Variants in WDR1 observed in about 807,000 individuals in gnomAD.
WDR1 encodes WD repeat-containing protein 1.
WDR1 carries 21 observed loss-of-function variants against 71.9 expected under a neutral mutation model. That is an observed-to-expected ratio of 0.29 (90% CI 0.21 to 0.42). The LOEUF is 0.42. Among genes scored for constraint, WDR1 ranks in the 10% least tolerant of loss-of-function variants. The pLI is 1.00. For missense variants in WDR1, 696 were observed against 824.5 expected (o/e 0.84, Z 1.91); for synonymous variants, 424 against 347.4 (o/e 1.22, Z -2.45).
Position 10,116,795 on chromosome 4 carries a change from G to A in WDR1, c.-129C>T. On this transcript the variant is annotated 5_prime_UTR_variant, in exon 1 of 15. Coordinates refer to ENST00000499869, the MANE Select transcript of WDR1 (RefSeq NM_017491.5). The stretch of plus-strand genomic sequence containing the variant: ...AGGCGGCACCGGGCGTGCCGGGAGT[G>A]GAGTGGGCGGTCCGAGGCCGGGGCT... The A allele has an allele frequency of 2.7e-6, 3 of 1,104,966 alleles. No individual in the cohort carries two copies. The highest frequency in any genetic ancestry group is 3.7e-5 in the South Asian group (1 of 27,136). 68.4% of individuals were successfully genotyped at this position (1,104,966 alleles called of 1,614,324 possible). A position where few individuals can be genotyped will look rare whatever the true frequency, so the allele number is the denominator to read the frequency against.
rs1712866180 is a variant in WDR1 at position 10,104,000 on chromosome 4, C to T, written c.139-14G>A. ...AAGGGCTGGGTTCTGCAGGAGGAGA[C>T]CCCGGAATGAACAGAAGGAATGGAG... On this transcript the variant is annotated splice_polypyrimidine_tract_variant and intron_variant, in intron 2 of 14. Coordinates refer to ENST00000499869, the MANE Select transcript of WDR1 (RefSeq NM_017491.5). 3 of 1,584,410 alleles carry T rather than the reference C, an allele frequency of 1.9e-6. No individual in the cohort carries two copies. The highest frequency in any genetic ancestry group is 2.7e-5 in the African/African-American group (2 of 74,246).
intron 2 of WDR1, among the ~76,000 whole-genome samples, chr4:10,109,295 G>A (rs1049610427): frequency 1.3e-5 from 2 of 152,252 alleles, no homozygotes; most frequent in East Asian, 1.9e-4. Flanking sequence ...CTAACAGCAC[G>A]GTGAGTCAAG....
chr4:10,078,403 A>T (rs1276841853), intron 12 of WDR1, among the ~76,000 whole-genome samples: 1 of 152,220 alleles, frequency 6.6e-6, no homozygotes, highest in Non-Finnish European at 1.5e-5. Flanking sequence ...GGGCATGAGA[A>T]TTATGCCGAG....
intron 4 of WDR1, 128 bp downstream of exon 4, chr4:10,098,864 T>C: frequency 2.2e-6 from 3 of 1,377,420 alleles, no homozygotes; most frequent in Non-Finnish European, 3.0e-6. Context: ...GCCCGGCACC[T>C]ACTGGGAGCT....
intron 1 of WDR1, 163 bp from the exon 2 acceptor site, chr4:10,116,397 T>C: frequency 9.2e-7 from 1 of 1,088,962 alleles, no homozygotes; most frequent in Non-Finnish European, 1.3e-6. Flanking sequence ...GACTTCCTGG[T>C]CCGCGCCCCG....
Position 10,083,051 on chromosome 4 carries a change from C to G in WDR1, c.1167G>C (p.Arg389=). Reference sequence around the variant, plus strand: ...AGTCCCGCAGCATGAGGCTGGTGTACCGCACGGTGTCGTCCATGCTGCAGC... The same window carrying G: ...AGTCCCGCAGCATGAGGCTGGTGTAGCGCACGGTGTCGTCCATGCTGCAGC... The part of the protein sequence containing the change: ...LISCSMDDTV[R]YTSLMLRDYS... The change falls in exon 10 of 15, where the codon CGG becomes CGC. Residue 389 remains arginine, a synonymous_variant. Transcript: ENST00000499869. 6.2e-7 allele frequency: 1 copy of G among 1,613,686 alleles called. No individual in the cohort carries two copies. The highest frequency in any genetic ancestry group is 8.5e-7 in the Non-Finnish European group (1 of 1,179,780).
At chr4:10,098,159 CAG>C (rs1441916884) in intron 4 of WDR1, among the ~76,000 whole-genome samples, 2 of 152,198 alleles carry the variant, frequency 1.3e-5, no homozygotes, top group African/African-American at 4.8e-5. Flanking sequence ...CCCCACGCCA[CAG>C]GGCCCAGGGC....
intron 10 of WDR1, among the ~76,000 whole-genome samples, 179 bp downstream of exon 10, chr4:10,082,843 G>A (rs1293449202): frequency 6.6e-6 from 1 of 152,170 alleles, no homozygotes; most frequent in Non-Finnish European, 1.5e-5. Context: ...AGACCACCTG[G>A]ATCTGTAACA....
chr4:10,104,054 C>CTGTTGATGTGGAG, intron 2 of WDR1, 68 bp from the exon 3 acceptor site: 2 of 1,470,050 alleles, frequency 1.4e-6, no homozygotes, highest in Non-Finnish European at 1.9e-6. Context: ...CTCTCCACAT[C>CTGTTGATGTGGAG]AACAGATATG....
rs1764857973 is a variant in WDR1, at chr4:10,077,794, T to C, written c.1528A>G (p.Ser510Gly). The change falls in exon 13 of 15, where the codon AGC becomes GGC. Residue 510 changes from serine to glycine, a missense_variant. Transcript: ENST00000499869. ...DGAFLAVCDA[S>G]KVVTVFSVAD... ...ACGCTGAACACTGTGACCACCTTGC[T>C]GGCGTCGCACACCGCGAGGAAGGCG... is the stretch of plus-strand genomic sequence containing the variant. 1 of 1,603,364 alleles carries C rather than the reference T, an allele frequency of 6.2e-7. No homozygotes were observed. Among genetic ancestry groups the C allele is most frequent in the Non-Finnish European group, 8.5e-7 (1 of 1,175,274 alleles).
intron 11 of WDR1, among the ~76,000 whole-genome samples, chr4:10,079,915 A>C (rs996230994): frequency 6.6e-6 from 1 of 152,212 alleles, no homozygotes; most frequent in Admixed American, 6.5e-5. Flanking sequence ...TTCGTCCGAC[A>C]TGAGACTTGA....
chr4:10,081,455 G>C lies in WDR1; in HGVS notation c.1197-11C>G. 12 of 1,613,162 alleles carry C rather than the reference G, an allele frequency of 7.4e-6. No homozygotes were observed. The highest frequency in any genetic ancestry group is 1.0e-5 in the Non-Finnish European group (12 of 1,179,202). ...ACAACTCCTTGTCCGCTGTTAGAGA[G>C]AAAGGAAGCACATTACTTCGACAAT... On this transcript the variant is annotated splice_polypyrimidine_tract_variant and intron_variant, in intron 10 of 14. Coordinates refer to ENST00000499869, the MANE Select transcript of WDR1 (RefSeq NM_017491.5).
In WDR1 at chr4:10,075,271, G is replaced by A; in HGVS notation, c.*107C>T. 1.1e-6 allele frequency: 1 copy of A among 919,816 alleles called. No homozygotes were observed. Among genetic ancestry groups the A allele is most frequent in the Non-Finnish European group, 1.7e-6 (1 of 585,712 alleles). 57.0% of individuals were successfully genotyped at this position (919,816 alleles called of 1,614,324 possible). ...ACTGGGCCCTCCTGCCTCTTGTGGT[G>A]GGGTGGGGGCATGGGGGCGCGTCAC... On this transcript the variant is annotated 3_prime_UTR_variant, in exon 15 of 15. Coordinates refer to ENST00000499869, the MANE Select transcript of WDR1 (RefSeq NM_017491.5).
Position 10,075,459 on chromosome 4 carries a change from G to A in WDR1, c.1740C>T (p.Ser580=). The A allele has an allele frequency of 6.2e-7, 1 of 1,614,006 alleles. No individual in the cohort carries two copies. Among genetic ancestry groups the A allele is most frequent in the East Asian group, 2.2e-5 (1 of 44,890 alleles). Reference sequence around the variant, plus strand: ...TGTGCTCGTCCAGCCAGGCCAGGCTGCTGACATGGTGCAGCCGGTGTGCAT... The same window carrying A: ...TGTGCTCGTCCAGCCAGGCCAGGCTACTGACATGGTGCAGCCGGTGTGCAT... ...IQDAHRLHHV[S]SLAWLDEHTL... is the part of the protein sequence containing the mutation. The change falls in exon 15 of 15, where the codon AGC becomes AGT. Residue 580 remains serine (S), a synonymous_variant. Coordinates refer to ENST00000499869, the MANE Select transcript of WDR1 (RefSeq NM_017491.5).
At chr4:10,104,350 G>A (rs1712895566) in intron 2 of WDR1, among the ~76,000 whole-genome samples, 1 of 152,124 alleles carries the variant, frequency 6.6e-6, no homozygotes, top group Non-Finnish European at 1.5e-5. Context: ...CCCATTTGTG[G>A]GAAGCTGCAT....
At chr4:10,101,321 T>A (rs1046550029) in intron 3 of WDR1, among the ~76,000 whole-genome samples, 1 of 152,234 alleles carries the variant, frequency 6.6e-6, no homozygotes, top group Non-Finnish European at 1.5e-5. Context: ...CTAAAGATCC[T>A]GCAGAGGGCT....
intron 10 of WDR1, 126 bp downstream of exon 10, chr4:10,082,896 G>T: frequency 8.1e-7 from 1 of 1,236,330 alleles, no homozygotes. Context: ...ACAATGCTGG[G>T]GACGGGGTGG....
chr4:10,093,854 T>C (rs755977939), intron 5 of WDR1, among the ~76,000 whole-genome samples: 22 of 152,266 alleles, frequency 1.4e-4, no homozygotes, highest in Non-Finnish European at 3.2e-4. Context: ...ACATCTGCTC[T>C]CTGCCCTGTC....
Position 10,074,939 on chromosome 4 carries a change from A to C in WDR1, c.*439T>G. The C allele has an allele frequency of 5.4e-6, 1 of 183,700 alleles. No homozygotes were observed. The allele number at this position is 183,700 out of a possible 1,614,324, so 11.4% of individuals were successfully genotyped here. A position where few individuals can be genotyped will look rare whatever the true frequency, so the allele number is the denominator to read the frequency against. On this transcript the variant is annotated 3_prime_UTR_variant, in exon 15 of 15. Coordinates refer to ENST00000499869, the MANE Select transcript of WDR1 (RefSeq NM_017491.5). Reference sequence around the variant, plus strand: ...CAGAATTCCGGCTTTGCTGAACTGCAATGCATATTCCCTCTTCTCACTAGT... The same window carrying C: ...CAGAATTCCGGCTTTGCTGAACTGCCATGCATATTCCCTCTTCTCACTAGT...
Sources: allele counts gnomAD v4.1 joint callset (sites outside exome capture counted in the v4.1 genomes callset), GRCh38; gene constraint gnomAD v4.1.1; transcripts MANE v1.5; gene names NCBI Gene and HGNC (gene_info 2026-07-23, HGNC 2026-07-21).